CLK1: variants seen among roughly 807,000 people sequenced by gnomAD.
CLK1 encodes the protein dual specificity protein kinase CLK1.
CLK1 carries 40 observed loss-of-function variants against 60.9 expected under a neutral mutation model. The observed-to-expected ratio is 0.66, with a 90% confidence interval of 0.51 to 0.86. CLK1 has a LOEUF of 0.86. CLK1 is among the 40% of genes least tolerant of loss of function. The pLI is 0.00. For synonymous variants in CLK1, 203 were observed against 184.4 expected (o/e 1.10, Z -0.82); for missense variants, 563 against 606.1 (o/e 0.93, Z 0.75).
In CLK1 at chr2:200,856,927, C is replaced by A; in HGVS notation, c.891G>T (p.Val297=). 6.2e-7 allele frequency: 1 copy of A among 1,614,138 alleles called. No homozygotes were observed. The highest frequency in any genetic ancestry group is 2.2e-5 in the East Asian group (1 of 44,886). ...TATACGCCTCTGTGTAGTCAGACTG[C>A]ACAAATAAGATGTTTTCAGGCTTTA... The part of the protein sequence containing the change: ...TDLKPENILF[V]QSDYTEAYNP... Residue 297 remains valine, a synonymous_variant, in exon 8 of 13, where the codon GTG becomes GTT. Transcript: ENST00000321356.
Position 200,858,013 on chromosome 2 carries a change from C to T in CLK1, c.625G>A (p.Val209Ile). 3 of 1,614,038 alleles carry T rather than the reference C, an allele frequency of 1.9e-6. No homozygotes were observed. The highest frequency in any genetic ancestry group is 1.3e-5 in the African/African-American group (1 of 75,054). Residue 209 changes from valine to isoleucine, a missense_variant, in exon 6 of 13, where the codon GTT becomes ATT. Val to Ile is a conservative substitution (Grantham distance 29). Transcript: ENST00000321356. ...TCTGTTGTATTCAGATGTTCCAGAACTTGTATTTCTGAGCGAGCAGCTTCA... is the reference window on the plus strand; with the variant it reads ...TCTGTTGTATTCAGATGTTCCAGAATTTGTATTTCTGAGCGAGCAGCTTCA... Reference protein sequence around the residue: ...YCEAARSEIQVLEHLNTTDPN... With the variant: ...YCEAARSEIQILEHLNTTDPN...
At chr2:200,858,131 A>AT in intron 5 of CLK1, 42 bp from the exon 6 acceptor site, 1 of 1,241,572 alleles carries the variant, frequency 8.1e-7, no homozygotes, top group Non-Finnish European at 1.2e-6. Flanking sequence ...GACAGACATG[A>AT]TGCTCAATTC....
At chr2:200,864,033 T>TA (rs1167414185) in intron 1 of CLK1, 2 of 1,468,980 alleles carry the variant, frequency 1.4e-6, no homozygotes, top group Non-Finnish European at 1.8e-6. Flanking sequence ...TCGCGATGTT[T>TA]ACGCCGACAC....
intron 2 of CLK1, 24 bp downstream of exon 2, chr2:200,861,678 A>T: frequency 2.5e-6 from 4 of 1,612,296 alleles, no homozygotes; most frequent in South Asian, 1.1e-5. Context: ...TGTTATATTC[A>T]GACATTTTAA....
At chr2:200,861,619 G>T in intron 2 of CLK1, 83 bp downstream of exon 2, 5 of 1,569,514 alleles carry the variant, frequency 3.2e-6, no homozygotes, top group Non-Finnish European at 4.3e-6. Flanking sequence ...ACGAATGGTA[G>T]TAATCAGGTA....
chr2:200,857,142 C>T (rs2039056864), intron 7 of CLK1, 157 bp from the exon 8 acceptor site: 1 of 619,910 alleles, frequency 1.6e-6, no homozygotes, highest in Non-Finnish European at 2.8e-6. Flanking sequence ...CCTGTCTCTA[C>T]CAAAATTACA....
chr2:200,855,727 G>A (rs922180473), intron 9 of CLK1, among the ~76,000 whole-genome samples: 1 of 151,806 alleles, frequency 6.6e-6, no homozygotes, highest in Non-Finnish European at 1.5e-5. Context: ...CAATATATAT[G>A]GCCGGGCGCA....
intron 4 of CLK1, 138 bp from the exon 5 acceptor site, chr2:200,859,884 T>C (rs1029915359): frequency 6.9e-7 from 1 of 1,448,626 alleles, no homozygotes; most frequent in Non-Finnish European, 9.1e-7. Flanking sequence ...GTCAACACCA[T>C]CAAAAAACAT....
intron 1 of CLK1, chr2:200,864,179 T>A: frequency 6.4e-7 from 1 of 1,551,032 alleles, no homozygotes; most frequent in Non-Finnish European, 8.7e-7. Flanking sequence ...ACGGGGAGCC[T>A]CGCCTTTCCG....
At chr2:200,855,137 A>C in intron 9 of CLK1, 51 bp from the exon 10 acceptor site, 1 of 1,400,242 alleles carries the variant, frequency 7.1e-7, no homozygotes, top group Non-Finnish European at 9.9e-7. Flanking sequence ...TGTTTGTTAA[A>C]GAAATTAAAA....
intron 1 of CLK1, chr2:200,864,202 A>G: frequency 1.3e-6 from 2 of 1,550,172 alleles, no homozygotes; most frequent in South Asian, 2.4e-5. Flanking sequence ...CACAGGGCCG[A>G]AGCCGGCCTC....
rs375537428 is a variant in CLK1, at chr2:200,858,016, G to C, written c.622C>G (p.Gln208Glu). ...RYCEAARSEI[Q>E]VLEHLNTTDP... The stretch of plus-strand genomic sequence containing the variant: ...GTTGTATTCAGATGTTCCAGAACTT[G>C]TATTTCTGAGCGAGCAGCTTCACAG... Residue 208 changes from glutamine to glutamate, a missense_variant, in exon 6 of 13, where the codon CAA becomes GAA. Transcript: ENST00000321356. 26 of 1,614,008 alleles carry C rather than the reference G, an allele frequency of 1.6e-5. No individual in the cohort carries two copies. Among genetic ancestry groups the C allele is most frequent in the Non-Finnish European group, 2.1e-5 (25 of 1,179,914 alleles).
chr2:200,854,699 G>GAAATA lies in CLK1; in HGVS notation c.1141-9_1141-5dup, dbSNP rs981107368. ...AATGCTCCTTACTATCGTGTGTCTA[G>GAAATA]AAATAAAATAAAAACAGACTTGGGG... On this transcript the variant is annotated splice_region_variant and splice_polypyrimidine_tract_variant and intron_variant, in intron 10 of 12. Transcript: ENST00000321356. 1.3e-6 allele frequency: 2 copies of GAAATA among 1,593,250 alleles called. No individual in the cohort carries two copies. Among genetic ancestry groups the GAAATA allele is most frequent in the East Asian group, 4.5e-5 (2 of 44,762 alleles).
chr2:200,858,768 CT>C (rs1209432788), intron 5 of CLK1, among the ~76,000 whole-genome samples: 2 of 151,132 alleles, frequency 1.3e-5, no homozygotes, highest in Non-Finnish European at 2.9e-5. Context: ...AGGAAGCCCC[CT>C]CAAAAATGCT....
intron 7 of CLK1, 116 bp downstream of exon 7, chr2:200,857,602 A>C: frequency 1.2e-6 from 1 of 849,130 alleles, no homozygotes; most frequent in South Asian, 2.0e-5. Context: ...CTTCATACCT[A>C]TTCTTCCTCC....
chr2:200,853,485 T>C, intron 12 of CLK1, 36 bp from the exon 13 acceptor site: 1 of 1,580,270 alleles, frequency 6.3e-7, no homozygotes, highest in Admixed American at 1.8e-5. Flanking sequence ...AACAGCCTTT[T>C]CCACTACCAT....
At chr2:200,853,515 T>G in intron 12 of CLK1, 66 bp from the exon 13 acceptor site, 1 of 1,389,796 alleles carries the variant, frequency 7.2e-7, no homozygotes, top group South Asian at 1.3e-5. Context: ...TATGTAACAG[T>G]ATAGTAAACC....
intron 5 of CLK1, among the ~76,000 whole-genome samples, chr2:200,859,169 GAGACTCTGTCTCGAGAAAAAAAAA>G (rs923156932): frequency 1.4e-4 from 21 of 151,966 alleles, no homozygotes; most frequent in African/African-American, 5.1e-4. Flanking sequence ...GTGACAGAGC[GAGACTCTGTCTCGAGAAAAAAAAA>G]AATTTCAATC....
chr2:200,857,954 G>A lies in CLK1; in HGVS notation c.665+19C>T, dbSNP rs1411572202. The A allele has an allele frequency of 1.2e-6, 2 of 1,611,720 alleles. No individual in the cohort carries two copies. The highest frequency in any genetic ancestry group is 1.1e-5 in the South Asian group (1 of 91,032). On this transcript the variant is annotated intron_variant, in intron 6 of 12. Coordinates refer to ENST00000321356, the MANE Select transcript of CLK1 (RefSeq NM_004071.4). ...AAATATACCTGATACCACTTCCCAA[G>A]TTCTAATCTGATACTTACAAAGTAC...
Sources: allele counts gnomAD v4.1 joint callset (sites outside exome capture counted in the v4.1 genomes callset), GRCh38; gene constraint gnomAD v4.1.1; transcripts MANE v1.5; gene names NCBI Gene and HGNC (gene_info 2026-07-23, HGNC 2026-07-21).